BRAF: variants seen among roughly 807,000 people sequenced by gnomAD.
BRAF encodes B-Raf proto-oncogene, serine/threonine kinase.
In BRAF, 16 loss-of-function variants were observed where a neutral mutation model predicts 104.6. That is an observed-to-expected ratio of 0.15 (90% confidence interval 0.10 to 0.23). The LOEUF (loss-of-function observed/expected upper bound fraction) is 0.23. BRAF is among the 10% of genes least tolerant of loss of function. The pLI is 1.00. For missense variants in BRAF, 541 were observed against 937.3 expected, an observed-to-expected ratio of 0.58 and a Z score of 5.52; for synonymous variants, 310 against 341.6, an observed-to-expected ratio of 0.91 and a Z score of 1.02.
chr7:140,900,871 A>G (rs1815549786), intron 1 of BRAF, among the ~76,000 whole-genome samples: 1 of 152,180 alleles, frequency 6.6e-6, no homozygotes, highest in Middle Eastern at 3.2e-3. Flanking sequence ...TTGGCCTCCC[A>G]AAGTGCTGAG....
In BRAF at chr7:140,724,593, G is replaced by A. The variant is rs1795499313; in HGVS notation, c.*1901C>T. 1.9e-6 allele frequency: 2 copies of A among 1,039,618 alleles called. No homozygotes were observed. The allele number at this position is 1,039,618 out of a possible 1,614,324, so 64.4% of individuals were successfully genotyped here. A position where few individuals can be genotyped will look rare whatever the true frequency, so the allele number is the denominator to read the frequency against. On this transcript the variant is annotated 3_prime_UTR_variant, in exon 20 of 20. Coordinates refer to ENST00000644969, the MANE Select transcript of BRAF (RefSeq NM_001374258.1). Reference sequence around the variant, plus strand: ...CTAGGACAACCTTTTACAAGACAATGAAAATTTCAATAGGCTTTCTTCTGA... The same window carrying A: ...CTAGGACAACCTTTTACAAGACAATAAAAATTTCAATAGGCTTTCTTCTGA...
chr7:140,810,419 A>T (rs1032682305), intron 3 of BRAF, among the ~76,000 whole-genome samples: 1 of 152,162 alleles, frequency 6.6e-6, no homozygotes, highest in African/African-American at 2.4e-5. Context: ...AAAACACAAA[A>T]AGTAGCCGGG....
chr7:140,802,288 G>C (rs965009817), intron 5 of BRAF, among the ~76,000 whole-genome samples: 1 of 136,110 alleles, frequency 7.3e-6, no homozygotes, highest in African/African-American at 2.9e-5. Context: ...GTGTATGTTT[G>C]TGTCTTTTTT....
chr7:140,750,384 C>G (rs1326049757), intron 16 of BRAF, among the ~76,000 whole-genome samples: 1 of 152,186 alleles, frequency 6.6e-6, no homozygotes, highest in Non-Finnish European at 1.5e-5. Context: ...TGAGCAACAG[C>G]TGTAAATGAG....
intron 1 of BRAF, among the ~76,000 whole-genome samples, chr7:140,877,298 G>C (rs933998805): frequency 3.6e-5 from 4 of 111,998 alleles, no homozygotes; most frequent in South Asian, 3.7e-4. Context: ...AGAGATGGGG[G>C]GGGGGGTGGG....
intron 1 of BRAF, among the ~76,000 whole-genome samples, chr7:140,915,049 CAA>C (rs567503566): frequency 0.2 from 12,112 of 61,700 alleles, 822 homozygotes; most frequent in African/African-American, 0.39. Context: ...ACTCCGTCTC[CAA>C]AAAAAAAAAA....
chr7:140,724,302 T>C lies in BRAF; in HGVS notation c.*2192A>G, dbSNP rs1795477533. 3 of 1,057,246 alleles carry C rather than the reference T, an allele frequency of 2.8e-6. No homozygotes were observed. Among genetic ancestry groups the C allele is most frequent in the African/African-American group, 1.7e-5 (1 of 60,528 alleles). The allele number at this position is 1,057,246 out of a possible 1,614,324, so 65.5% of individuals were successfully genotyped here. ...ATCCTCTTGTTCAAGCCCAGGTCTCTCTACCTGCGGAAACTTGAAGCCAAT... is the reference window on the plus strand; with the variant it reads ...ATCCTCTTGTTCAAGCCCAGGTCTCCCTACCTGCGGAAACTTGAAGCCAAT... On this transcript the variant is annotated 3_prime_UTR_variant, in exon 20 of 20. Coordinates refer to ENST00000644969, the MANE Select transcript of BRAF (RefSeq NM_001374258.1).
chr7:140,751,705 G>T (rs1481282649), intron 16 of BRAF, among the ~76,000 whole-genome samples: 1 of 152,066 alleles, frequency 6.6e-6, no homozygotes, highest in African/African-American at 2.4e-5. Context: ...CTTGCCACCT[G>T]CCCTAATTCC....
chr7:140,893,917 C>A (rs962179041), intron 1 of BRAF, among the ~76,000 whole-genome samples: 1 of 151,982 alleles, frequency 6.6e-6, no homozygotes, highest in African/African-American at 2.4e-5. Context: ...CTTTGGGAGG[C>A]CAAGGCGAAT....
intron 1 of BRAF, among the ~76,000 whole-genome samples, chr7:140,896,039 A>G (rs1814851362): frequency 6.6e-6 from 1 of 151,940 alleles, no homozygotes; most frequent in African/African-American, 2.4e-5. Flanking sequence ...TTTCCTCTGT[A>G]TCTTCACCAG....
At chr7:140,843,169 T>C (rs1193541681) in intron 2 of BRAF, among the ~76,000 whole-genome samples, 1 of 152,218 alleles carries the variant, frequency 6.6e-6, no homozygotes, top group African/African-American at 2.4e-5. Flanking sequence ...ATAGGGGTGA[T>C]ATGTGACCTC....
In BRAF at chr7:140,848,400, A is replaced by G. The variant is rs902585598; in HGVS notation, c.240+1711T>C. On this transcript the variant is annotated intron_variant, in intron 2 of 19. Transcript: ENST00000644969. Reference sequence around the variant, plus strand: ...ACCTAGTATCTTGCTCAAAGTAACTATAAGAAATGAGTTAAGCAATAAAAT... The same window carrying G: ...ACCTAGTATCTTGCTCAAAGTAACTGTAAGAAATGAGTTAAGCAATAAAAT... 5.3e-5 allele frequency among the ~76,000 whole-genome samples: 8 copies of G among 152,246 alleles called. No individual in the cohort carries two copies. In the South Asian group the frequency reaches 8.3e-4, roughly 16 times the overall value.
chr7:140,740,519 TC>T (rs1235706210), intron 17 of BRAF: 2 of 152,270 alleles, frequency 1.3e-5, no homozygotes, highest in African/African-American at 4.8e-5. Flanking sequence ...AGGCTTGTCT[TC>T]CCTGGATTCA....
At chr7:140,759,766 G>C (rs901590245) in intron 14 of BRAF, among the ~76,000 whole-genome samples, 1 of 152,240 alleles carries the variant, frequency 6.6e-6, no homozygotes, top group African/African-American at 2.4e-5. Flanking sequence ...GGAGTAGACA[G>C]TGAGTAGAAG....
At chr7:140,731,215 C>T (rs2130852054) in intron 19 of BRAF, 1 of 152,294 alleles carries the variant, frequency 6.6e-6, no homozygotes, top group East Asian at 1.9e-4. Flanking sequence ...CACCGTTTCG[C>T]CATGTTGTCC....
At chr7:140,845,451 C>T (rs1808440509) in intron 2 of BRAF, among the ~76,000 whole-genome samples, 1 of 152,124 alleles carries the variant, frequency 6.6e-6, no homozygotes, top group African/African-American at 2.4e-5. Flanking sequence ...CCAATAAGAA[C>T]TGATATCTAG....
At chr7:140,903,298 T>C (rs983048011) in intron 1 of BRAF, among the ~76,000 whole-genome samples, 4 of 152,214 alleles carry the variant, frequency 2.6e-5, no homozygotes, top group African/African-American at 9.6e-5. Flanking sequence ...TCATTTATCA[T>C]TCCAAAAATC....
At position 140,720,550 on chromosome 7, in the gene BRAF, C is replaced by A. The variant is rs910244065; in HGVS notation, c.*5944G>T. ...AGGAAGGAATGATTCTTAAAAAAAC[C>A]GTTCACAGCTTAGAATAAAAAGCAT... On this transcript the variant is annotated 3_prime_UTR_variant, in exon 20 of 20. Transcript: ENST00000644969. 9.4e-7 allele frequency: 1 copy of A among 1,064,842 alleles called. No individual in the cohort carries two copies. Among genetic ancestry groups the A allele is most frequent in the Non-Finnish European group, 1.1e-6 (1 of 879,192 alleles). 66.0% of individuals were successfully genotyped at this position (1,064,842 alleles called of 1,614,324 possible).
intron 3 of BRAF, among the ~76,000 whole-genome samples, chr7:140,831,820 T>C (rs1458114981): frequency 2.6e-5 from 4 of 152,216 alleles, no homozygotes; most frequent in Non-Finnish European, 5.9e-5. Flanking sequence ...ACCAGCTCGA[T>C]TTATGAAGAC....
Sources: gnomAD v4.1 joint callset for allele counts (sites outside exome capture counted in the v4.1 genomes callset) on GRCh38, gnomAD v4.1.1 for gene constraint, MANE v1.5 for transcripts, NCBI Gene and HGNC (gene_info 2026-07-23, HGNC 2026-07-21) for gene names.